SORCS1: variants seen among roughly 807,000 people sequenced by gnomAD.
SORCS1 encodes the protein sortilin related VPS10 domain containing receptor 1.
Under a neutral mutation model 146.1 loss-of-function variants are expected in SORCS1, and 60 were observed. The observed-to-expected ratio is 0.41, with a 90% CI of 0.33 to 0.51. SORCS1 has a LOEUF of 0.51. Among genes scored for constraint, SORCS1 ranks in the 20% least tolerant of loss-of-function variants. The pLI is 0.21. For missense variants in SORCS1, 1,352 were observed against 1,487.6 expected (o/e 0.91, Z 1.50); for synonymous variants, 637 against 584.0 (o/e 1.09, Z -1.31).
intron 22 of SORCS1, among the ~76,000 whole-genome samples, chr10:106,609,878 T>C (rs1287975929): frequency 6.6e-6 from 1 of 152,140 alleles, no homozygotes; most frequent in Non-Finnish European, 1.5e-5. Context: ...ATACATCACC[T>C]GGGGGAGTTG....
At chr10:107,040,268 T>A (rs1348958666) in intron 1 of SORCS1, among the ~76,000 whole-genome samples, 1 of 152,188 alleles carries the variant, frequency 6.6e-6, no homozygotes, top group Non-Finnish European at 1.5e-5. Flanking sequence ...TTAGTTTTCT[T>A]CTTGCCATGT....
Position 107,004,736 on chromosome 10 carries a change from A to G in SORCS1, c.559-48156T>C, listed in dbSNP as rs1957370173. 7.2e-5 allele frequency among the ~76,000 whole-genome samples: 11 copies of G among 152,148 alleles called. 1 individual carries two copies. The highest frequency in any genetic ancestry group is 7.2e-4 in the Admixed American group (11 of 15,262). On this transcript the variant is annotated intron_variant, in intron 1 of 25. Coordinates refer to ENST00000263054, the MANE Select transcript of SORCS1 (RefSeq NM_052918.5). ...GAAGCCCTCCTTACAATACTCTTCTATAGGTCCATACTTTGGGCTGCAGGC... is the reference window on the plus strand; with the variant it reads ...GAAGCCCTCCTTACAATACTCTTCTGTAGGTCCATACTTTGGGCTGCAGGC...
In SORCS1 at chr10:106,652,506, T is replaced by C. The variant is rs200289391; in HGVS notation, c.2351A>G (p.Gln784Arg). 32 of 1,614,116 alleles carry C rather than the reference T, an allele frequency of 2.0e-5. No homozygotes were observed. In the East Asian group the frequency reaches 5.6e-4, roughly 28 times the overall value. The change falls in exon 18 of 26, where the codon CAG (glutamine) becomes CGG (arginine). Residue 784 changes from glutamine (Q) to arginine (R), a missense_variant. Around this residue, in one of 3 missense-constraint regions of SORCS1, gnomAD observed 648 missense variants for 793.8 expected, o/e 0.82. Coordinates refer to ENST00000263054, the MANE Select transcript of SORCS1 (RefSeq NM_052918.5). Reference protein sequence around the residue: ...SNNCTDGVREQYTAKPQKCPG... With the variant: ...SNNCTDGVRERYTAKPQKCPG... ...GCACTTCTGCGGTTTGGCAGTGTAC[T>C]GTTCCCTTACGCCATCAGTGCAATT...
chr10:106,666,643 G>A (rs1352054841), intron 17 of SORCS1, among the ~76,000 whole-genome samples: 1 of 149,196 alleles, frequency 6.7e-6, no homozygotes, highest in Non-Finnish European at 1.5e-5. Flanking sequence ...TGCAACCTCT[G>A]CCTCCTGGGT....
intron 16 of SORCS1, among the ~76,000 whole-genome samples, chr10:106,670,134 T>C (rs1227458687): frequency 1.3e-5 from 2 of 152,084 alleles, no homozygotes; most frequent in Non-Finnish European, 2.9e-5. Flanking sequence ...AACGAATACA[T>C]GAAAACCAAA....
chr10:106,941,626 T>A (rs1954046955), intron 2 of SORCS1, among the ~76,000 whole-genome samples: 1 of 152,192 alleles, frequency 6.6e-6, no homozygotes, highest in Non-Finnish European at 1.5e-5. Context: ...TACCAAGGAA[T>A]GTGGCTCCCA....
At chr10:107,085,566 G>A (rs998744693) in intron 1 of SORCS1, among the ~76,000 whole-genome samples, 2 of 152,066 alleles carry the variant, frequency 1.3e-5, no homozygotes, top group Non-Finnish European at 2.9e-5. Context: ...CTACAATAAG[G>A]GAGATAGATG....
intron 3 of SORCS1, among the ~76,000 whole-genome samples, chr10:106,811,405 T>A (rs1334685120): frequency 6.6e-6 from 1 of 152,186 alleles, no homozygotes; most frequent in Non-Finnish European, 1.5e-5. Flanking sequence ...CTCTGTTTAG[T>A]AAAGTGTAGT....
chr10:106,618,465 C>T (rs1472569652), intron 20 of SORCS1, among the ~76,000 whole-genome samples, 193 bp from the exon 21 acceptor site: 2 of 152,114 alleles, frequency 1.3e-5, no homozygotes, highest in African/African-American at 4.8e-5. Flanking sequence ...GGAGCAATGA[C>T]TCCAAGCAAG....
At chr10:107,021,436 C>A (rs1958128371) in intron 1 of SORCS1, among the ~76,000 whole-genome samples, 1 of 138,862 alleles carries the variant, frequency 7.2e-6, no homozygotes, top group African/African-American at 2.7e-5. Context: ...ATGGCGTGAA[C>A]CCGGGAGGCA....
At chr10:107,156,011 G>T (rs935864358) in intron 1 of SORCS1, among the ~76,000 whole-genome samples, 1 of 152,096 alleles carries the variant, frequency 6.6e-6, no homozygotes, top group Non-Finnish European at 1.5e-5. Flanking sequence ...CACTTGTGGG[G>T]ATGGACACAG....
chr10:106,584,742 T>C (rs998229721), intron 24 of SORCS1, among the ~76,000 whole-genome samples: 2 of 152,216 alleles, frequency 1.3e-5, no homozygotes, highest in African/African-American at 2.4e-5. Context: ...GTTTGTCCTT[T>C]AGTAGCTCTA....
At chr10:107,040,886 C>T (rs934130615) in intron 1 of SORCS1, among the ~76,000 whole-genome samples, 5 of 152,080 alleles carry the variant, frequency 3.3e-5, no homozygotes, top group Admixed American at 2.0e-4. Context: ...AGATGTATCT[C>T]CTGGTATCTA....
rs764559441 is a variant in SORCS1, at chr10:107,073,028, T to C, written c.558+90941A>G. Among the ~76,000 whole-genome samples the C allele has an allele frequency of 9.8e-5, 15 of 152,338 alleles. No homozygotes were observed. The Middle Eastern group carries it at 0.01, about 104-fold the overall frequency. On this transcript the variant is annotated intron_variant, in intron 1 of 25. Coordinates refer to ENST00000263054, the MANE Select transcript of SORCS1 (RefSeq NM_052918.5). ...AAGCACCAGGACACTGTCTGGGTGA[T>C]GTCTGCTGTGTTCCTATTAAAACCC...
intron 17 of SORCS1, among the ~76,000 whole-genome samples, chr10:106,656,577 G>A (rs897953181): frequency 5.9e-5 from 9 of 151,552 alleles, no homozygotes; most frequent in Non-Finnish European, 8.8e-5. Flanking sequence ...AAAGATGAAG[G>A]CAATATTTTT....
chr10:107,082,663 G>A (rs975207042), intron 1 of SORCS1, among the ~76,000 whole-genome samples: 5 of 151,880 alleles, frequency 3.3e-5, no homozygotes, highest in Non-Finnish European at 7.4e-5. Context: ...TGTATTTTTG[G>A]TAGATACCGG....
intron 1 of SORCS1, among the ~76,000 whole-genome samples, chr10:107,001,608 C>A (rs781484647): frequency 6.6e-6 from 1 of 152,174 alleles, no homozygotes; most frequent in Non-Finnish European, 1.5e-5. Context: ...GGATTACAGG[C>A]ACGTGCCACC....
chr10:107,144,119 C>T (rs1409956250), intron 1 of SORCS1, among the ~76,000 whole-genome samples: 1 of 152,152 alleles, frequency 6.6e-6, no homozygotes, highest in Non-Finnish European at 1.5e-5. Flanking sequence ...ATGTTTTCAT[C>T]TGGAAAATCC....
chr10:107,033,324 G>GC (rs1221826443), intron 1 of SORCS1, among the ~76,000 whole-genome samples: 1 of 152,038 alleles, frequency 6.6e-6, no homozygotes, highest in East Asian at 1.9e-4. Flanking sequence ...ACTGAGGATC[G>GC]CAACTCGAAA....
Sources: allele counts gnomAD v4.1 joint callset (sites outside exome capture counted in the v4.1 genomes callset), GRCh38; gene constraint gnomAD v4.1.1; regional missense constraint gnomAD v4.1.1; transcripts MANE v1.5; gene names NCBI Gene and HGNC (gene_info 2026-07-23, HGNC 2026-07-21).